The following KANSL1 variants were observed in gnomAD, a reference collection of about 807,000 sequenced individuals.
KANSL1 encodes the protein MLL1/MLL complex subunit KANSL1.
KANSL1 carries 22 observed loss-of-function variants against 103.6 expected under a neutral mutation model. That is an observed-to-expected ratio of 0.21 (90% confidence interval 0.15 to 0.30). The LOEUF is 0.30. KANSL1 is among the 10% of genes least tolerant of loss of function. The probability of loss-of-function intolerance (pLI) is 1.00; values close to 1 mark genes in which losing one functional copy is unlikely to be tolerated. For missense variants in KANSL1, 1,337 were observed against 1,399.8 expected, an observed-to-expected ratio of 0.96 and a Z score of 0.72; for synonymous variants, 600 against 527.6, an observed-to-expected ratio of 1.14 and a Z score of -1.88.
chr17:46,094,379 G>T, intron 3 of KANSL1, 181 bp downstream of exon 3: 1 of 731,202 alleles, frequency 1.4e-6, no homozygotes, highest in Non-Finnish European at 2.1e-6. Flanking sequence ...TCACAAGAGT[G>T]AGCCACCACG....
At chr17:46,145,203 T>C (rs2044636121) in intron 2 of KANSL1, among the ~76,000 whole-genome samples, 1 of 152,282 alleles carries the variant, frequency 6.6e-6, no homozygotes, top group Non-Finnish European at 1.5e-5. Flanking sequence ...AAAGGACTTT[T>C]CTAATATGAC....
upstream of KANSL1, chr17:46,224,919 A>C (rs935584082): frequency 1.3e-5 from 2 of 151,694 alleles, no homozygotes; most frequent in African/African-American, 4.8e-5. Context: ...GGCTCGCTTC[A>C]GGAGGGGCGC....
intron 1 of KANSL1, among the ~76,000 whole-genome samples, chr17:46,199,584 T>C (rs1407371019): frequency 1.3e-5 from 2 of 152,234 alleles, no homozygotes; most frequent in Non-Finnish European, 2.9e-5. Context: ...ATTCCTTCAT[T>C]TCAATCCAAC....
At chr17:46,105,141 G>A (rs2042478002) in intron 2 of KANSL1, among the ~76,000 whole-genome samples, 1 of 152,168 alleles carries the variant, frequency 6.6e-6, no homozygotes, top group Non-Finnish European at 1.5e-5. Flanking sequence ...GAATAAGACT[G>A]TTATGTTTCA....
In KANSL1 at chr17:46,129,802, G is replaced by A. The variant is rs553741920; in HGVS notation, c.1290-35101C>T. Among the ~76,000 whole-genome samples, 5 of 152,206 alleles carry A rather than the reference G, an allele frequency of 3.3e-5. No individual in the cohort carries two copies. In the East Asian group the frequency reaches 9.7e-4, roughly 29 times the overall value. ...CCCTTGTGGGAGAGGGTAGGGGTGGGGGTGGACCTGTTTTCTACTAAGAAA... is the reference window on the plus strand; with the variant it reads ...CCCTTGTGGGAGAGGGTAGGGGTGGAGGTGGACCTGTTTTCTACTAAGAAA... On this transcript the variant is annotated intron_variant, in intron 2 of 14. Coordinates refer to ENST00000432791, the MANE Select transcript of KANSL1 (RefSeq NM_015443.4).
Position 46,192,971 on chromosome 17 carries a change from C to G in KANSL1, c.-238G>C, listed in dbSNP as rs549489998. ...GCCCGGGCCCGCCGCTCTCCTCCCC[C>G]CGACGCCCGGAGCCGCCCTGACTTT... is the stretch of plus-strand genomic sequence containing the variant. On this transcript the variant is annotated 5_prime_UTR_variant, in exon 1 of 15. Transcript: ENST00000432791. 6 of 151,660 alleles carry G rather than the reference C, an allele frequency of 4.0e-5. No homozygotes were observed. Among genetic ancestry groups the G allele is most frequent in the African/African-American group, 1.2e-4 (5 of 41,320 alleles). The allele number at this position is 151,660 out of a possible 1,614,324, so 9.4% of individuals were successfully genotyped here. A position where few individuals can be genotyped will look rare whatever the true frequency, so the allele number is the denominator to read the frequency against.
intron 4 of KANSL1, 137 bp from the exon 5 acceptor site, chr17:46,067,804 G>GA: frequency 1.7e-6 from 1 of 599,182 alleles, no homozygotes; most frequent in South Asian, 2.0e-5. Flanking sequence ...AATGACTGAA[G>GA]AAAAAGAAAA....
chr17:46,078,452 T>C (rs982359758), intron 4 of KANSL1, among the ~76,000 whole-genome samples: 3 of 152,212 alleles, frequency 2.0e-5, no homozygotes, highest in South Asian at 2.1e-4. Context: ...CTCAAATAGA[T>C]TGTGGGCCTA....
At chr17:46,200,146 G>A (rs1442024402) in intron 1 of KANSL1, among the ~76,000 whole-genome samples, 2 of 152,142 alleles carry the variant, frequency 1.3e-5, no homozygotes, top group African/African-American at 4.8e-5. Flanking sequence ...TAACTAGAAT[G>A]TGTGAACGTT....
intron 2 of KANSL1, among the ~76,000 whole-genome samples, chr17:46,154,450 C>A (rs1020033048): frequency 1.3e-5 from 2 of 151,986 alleles, no homozygotes; most frequent in Non-Finnish European, 2.9e-5. Flanking sequence ...TAGCTCATTT[C>A]TTGTGGTTTA....
chr17:46,142,325 A>T (rs936480117), intron 2 of KANSL1, among the ~76,000 whole-genome samples: 1 of 152,256 alleles, frequency 6.6e-6, no homozygotes, highest in African/African-American at 2.4e-5. Flanking sequence ...TCATAAAAAC[A>T]TTACAACAGC....
chr17:46,091,356 T>A (rs1187591361), intron 3 of KANSL1, among the ~76,000 whole-genome samples: 1 of 152,230 alleles, frequency 6.6e-6, no homozygotes, highest in African/African-American at 2.4e-5. Context: ...TCAAAAAGTT[T>A]TAAAAACTTA....
chr17:46,059,416 C>T (rs910361195), intron 6 of KANSL1, among the ~76,000 whole-genome samples: 2 of 151,660 alleles, frequency 1.3e-5, no homozygotes, highest in African/African-American at 4.8e-5. Flanking sequence ...GTCAGGAGTT[C>T]GAAACCAGCT....
chr17:46,162,814 G>A (rs1292419357), intron 2 of KANSL1, among the ~76,000 whole-genome samples: 1 of 152,180 alleles, frequency 6.6e-6, no homozygotes, highest in Non-Finnish European at 1.5e-5. Flanking sequence ...GTATGATCTG[G>A]CAACTAGCTA....
At chr17:46,178,372 T>C (rs1477091504) in intron 1 of KANSL1, among the ~76,000 whole-genome samples, 3 of 152,244 alleles carry the variant, frequency 2.0e-5, no homozygotes, top group African/African-American at 4.8e-5. Flanking sequence ...ACCTGGGCAG[T>C]AGAATTAGGG....
At chr17:46,064,483 C>T (rs1055902316) in intron 6 of KANSL1, among the ~76,000 whole-genome samples, 2 of 152,166 alleles carry the variant, frequency 1.3e-5, no homozygotes, top group African/African-American at 4.8e-5. Flanking sequence ...TGAAACCACT[C>T]CAACCATGCT....
chr17:46,143,803 C>CAAAAAAAAAAAAAAAA (rs57361021), intron 2 of KANSL1, among the ~76,000 whole-genome samples: 581 of 85,446 alleles, frequency 6.8e-3, no homozygotes, highest in Middle Eastern at 0.014. Context: ...GACTCCATCT[C>CAAAAAAAAAAAAAAAA]AAAAAAAAAA....
chr17:46,045,440 A>AAAAAAAAAAAAAAATAT (rs950085495), intron 7 of KANSL1: 1 of 144,860 alleles, frequency 6.9e-6, no homozygotes, highest in African/African-American at 2.5e-5. Context: ...TACATGTAAA[A>AAAAAAAAAAAAAAATAT]ATATATATAT....
chr17:46,039,805 G>A lies in KANSL1; in HGVS notation c.2100C>T (p.Pro700=). ...CTCTGTGCTTAAGCGATAACTTTTT[G>A]GGAGGTTTGATTTTGTCAAAAGGCT... ...QNKPFDKIKP[P]KKLSLKHRAP... Residue 700 remains proline (P), a synonymous_variant, in exon 8 of 15, where the codon CCC becomes CCT. Transcript: ENST00000432791. The A allele has an allele frequency of 6.2e-7, 1 of 1,614,170 alleles. No homozygotes were observed. The highest frequency in any genetic ancestry group is 1.1e-5 in the South Asian group (1 of 91,076).
Sources: allele counts gnomAD v4.1 joint callset (sites outside exome capture counted in the v4.1 genomes callset), GRCh38; gene constraint gnomAD v4.1.1; transcripts MANE v1.5; gene names NCBI Gene and HGNC (gene_info 2026-07-23, HGNC 2026-07-21).